Variants in ADAMTS12 observed in about 807,000 individuals in gnomAD.
The protein encoded by ADAMTS12 is A disintegrin and metalloproteinase with thrombospondin motifs 12.
In ADAMTS12, 118 loss-of-function variants were observed where a neutral mutation model predicts 167.8. The ratio of observed to expected loss-of-function variants is 0.70; its 90% confidence interval spans 0.61 to 0.82. The LOEUF is 0.82. Ranked by LOEUF, ADAMTS12 falls within the 40% of genes least tolerant of loss-of-function variation. The pLI is 0.00. For missense variants in ADAMTS12, 1,916 were observed against 1,998.8 expected, an observed-to-expected ratio of 0.96 and a Z score of 0.79; for synonymous variants, 704 against 716.9, an observed-to-expected ratio of 0.98 and a Z score of 0.29.
At chr5:33,558,648 G>A (rs1745593858) in intron 20 of ADAMTS12, among the ~76,000 whole-genome samples, 1 of 152,158 alleles carries the variant, frequency 6.6e-6, no homozygotes, top group Non-Finnish European at 1.5e-5. Flanking sequence ...CCTCAGGCTG[G>A]AGCTGACCTT....
At chr5:33,789,141 G>A (rs1301448047) in intron 2 of ADAMTS12, among the ~76,000 whole-genome samples, 1 of 151,826 alleles carries the variant, frequency 6.6e-6, no homozygotes, top group Non-Finnish European at 1.5e-5. Context: ...TTCATAGGCT[G>A]TGGACATTGT....
chr5:33,820,477 C>T (rs974851484), intron 2 of ADAMTS12, among the ~76,000 whole-genome samples: 1 of 152,082 alleles, frequency 6.6e-6, no homozygotes, highest in Non-Finnish European at 1.5e-5. Context: ...GTGGCATTTG[C>T]ACAACATCTA....
chr5:33,772,286 T>C (rs967409), intron 2 of ADAMTS12, among the ~76,000 whole-genome samples: 53,960 of 152,056 alleles, frequency 0.35, 12,225 homozygotes, highest in Non-Finnish European at 0.51. Context: ...CACTGTCATC[T>C]GCCTCACCTA....
At chr5:33,782,250 G>T (rs115540568) in intron 2 of ADAMTS12, among the ~76,000 whole-genome samples, 4,254 of 152,008 alleles carry the variant, frequency 0.028, 79 homozygotes, top group Middle Eastern at 0.054. Context: ...CGACATTAAA[G>T]CAAAGTTATT....
Position 33,641,963 on chromosome 5 carries a change from G to A in ADAMTS12, c.1573-8C>T, listed in dbSNP as rs777643329. The stretch of plus-strand genomic sequence containing the variant: ...CTTGCCTGCCATACACCACTGGAAA[G>A]GGAAGAGGCAGGAGATGGCCGTATC... On this transcript the variant is annotated splice_region_variant and splice_polypyrimidine_tract_variant and intron_variant, in intron 10 of 23. Transcript: ENST00000504830. 50 of 1,606,796 alleles carry A rather than the reference G, an allele frequency of 3.1e-5. No homozygotes were observed. The highest frequency in any genetic ancestry group is 1.7e-4 in the Admixed American group (10 of 59,642).
At chr5:33,613,976 A>G (rs1385959453) in intron 16 of ADAMTS12, among the ~76,000 whole-genome samples, 1 of 152,214 alleles carries the variant, frequency 6.6e-6, no homozygotes, top group Non-Finnish European at 1.5e-5. Flanking sequence ...CACGTAATGA[A>G]ACATTCAAAC....
At chr5:33,702,429 C>T (rs2112299970) in intron 3 of ADAMTS12, among the ~76,000 whole-genome samples, 1 of 152,304 alleles carries the variant, frequency 6.6e-6, no homozygotes, top group East Asian at 1.9e-4. Flanking sequence ...GAATACTTTC[C>T]ATCATCTCCT....
At position 33,585,797 on chromosome 5, in the gene ADAMTS12, C is replaced by A. The variant is rs190905761; in HGVS notation, c.2865+2802G>T. ...GAGAAAAGGGGCTGGTCACAGGGGG[C>A]AGGAAAGCCTGTCTGGGGCAGCAGG... On this transcript the variant is annotated intron_variant, in intron 18 of 23. Transcript: ENST00000504830. Among the ~76,000 whole-genome samples the A allele has an allele frequency of 4.2e-3, 632 of 152,240 alleles. 7 individuals carry two copies. Among genetic ancestry groups the A allele is most frequent in the African/African-American group, 0.014 (600 of 41,558 alleles).
chr5:33,720,906 T>C (rs1743784506), intron 3 of ADAMTS12, among the ~76,000 whole-genome samples: 1 of 152,186 alleles, frequency 6.6e-6, no homozygotes, highest in African/African-American at 2.4e-5. Flanking sequence ...CATGTACACA[T>C]TTTTACCAAA....
chr5:33,881,710 G>C (rs573164874), intron 1 of ADAMTS12, among the ~76,000 whole-genome samples: 1 of 149,002 alleles, frequency 6.7e-6, no homozygotes, highest in South Asian at 2.1e-4. Flanking sequence ...TTACAGGCAT[G>C]TGCCACAACA....
At chr5:33,759,803 G>C (rs1045330520) in intron 2 of ADAMTS12, among the ~76,000 whole-genome samples, 13 of 152,156 alleles carry the variant, frequency 8.5e-5, no homozygotes, top group Admixed American at 7.2e-4. Flanking sequence ...ATTCCCAAGA[G>C]CTGCTCCCAC....
intron 19 of ADAMTS12, among the ~76,000 whole-genome samples, chr5:33,567,456 T>C (rs1375883985): frequency 1.3e-5 from 2 of 152,222 alleles, no homozygotes; most frequent in African/African-American, 2.4e-5. Context: ...ATCTGCCCTT[T>C]AGGGATACCA....
At position 33,786,265 on chromosome 5, in the gene ADAMTS12, T is replaced by C. The variant is rs146977932; in HGVS notation, c.490-34717A>G. ...AACTGCCTAAATTTACTAAAAATCA[T>C]TGAACTGTGCACTACAGTAAATGAA... On this transcript the variant is annotated intron_variant, in intron 2 of 23. Transcript: ENST00000504830. Among the ~76,000 whole-genome samples, 910 of 152,314 alleles carry C rather than the reference T, an allele frequency of 6.0e-3. 6 individuals are homozygous for C. Among genetic ancestry groups the C allele is most frequent in the African/African-American group, 0.021 (864 of 41,566 alleles).
intron 23 of ADAMTS12, among the ~76,000 whole-genome samples, chr5:33,529,912 C>CAG (rs1297333728): frequency 6.6e-6 from 1 of 152,070 alleles, no homozygotes; most frequent in African/African-American, 2.4e-5. Flanking sequence ...TTGGGAGTTT[C>CAG]AGAGAGAGAG....
rs749864170 is a variant in ADAMTS12, at chr5:33,561,155, C to T, written c.3997G>A (p.Ala1333Thr). 1.9e-6 allele frequency: 3 copies of T among 1,613,862 alleles called. No individual in the cohort carries two copies. Among genetic ancestry groups the T allele is most frequent in the East Asian group, 2.2e-5 (1 of 44,870 alleles). ...CTGCACTCCACCCTTCTCCAGTAGGCCCCCAGGCCACATGTGGTGGAGCAC... is the reference window on the plus strand; with the variant it reads ...CTGCACTCCACCCTTCTCCAGTAGGTCCCCAGGCCACATGTGGTGGAGCAC... ...SECSTTCGLG[A>T]YWRRVECSTQ... The change falls in exon 20 of 24, where the codon GCC (alanine) becomes ACC (threonine). Residue 1333 changes from alanine to threonine, a missense_variant. Physicochemically the swap from Ala to Thr is moderately conservative, Grantham distance 58 (BLOSUM62 0). Coordinates refer to ENST00000504830, the MANE Select transcript of ADAMTS12 (RefSeq NM_030955.4).
At chr5:33,858,313 C>G (rs1011839381) in intron 2 of ADAMTS12, among the ~76,000 whole-genome samples, 12 of 152,108 alleles carry the variant, frequency 7.9e-5, no homozygotes, top group African/African-American at 2.7e-4. Context: ...CTGTAAGACA[C>G]AGAAAAAGCA....
chr5:33,863,149 C>T (rs1425737943), intron 2 of ADAMTS12, among the ~76,000 whole-genome samples: 2 of 152,190 alleles, frequency 1.3e-5, no homozygotes, highest in East Asian at 3.9e-4. Context: ...AGGATGCCCT[C>T]TCTCACCACT....
rs1745726497 is a variant in ADAMTS12, at chr5:33,561,060, G to A, written c.4092C>T (p.Pro1364=). 6.2e-7 allele frequency: 1 copy of A among 1,614,152 alleles called. No individual in the cohort carries two copies. Among genetic ancestry groups the A allele is most frequent in the Non-Finnish European group, 8.5e-7 (1 of 1,180,012 alleles). ...AGTTTCCCACTTTCCAGCCAGCACA[G>A]GGACGGAGGTGGCATCTTTTTGCAG... ...PDPAKRCHLR[P]CAGWKVGNWS... The change falls in exon 20 of 24, where the codon CCC becomes CCT. Residue 1364 remains proline, a synonymous_variant. Transcript: ENST00000504830.
At chr5:33,775,739 T>G (rs1745891078) in intron 2 of ADAMTS12, among the ~76,000 whole-genome samples, 1 of 152,196 alleles carries the variant, frequency 6.6e-6, no homozygotes, top group African/African-American at 2.4e-5. Context: ...GCCTGCAGCC[T>G]GGTGCAGAGA....
Sources: gnomAD v4.1 joint callset for allele counts (sites outside exome capture counted in the v4.1 genomes callset) on GRCh38, gnomAD v4.1.1 for gene constraint, MANE v1.5 for transcripts, NCBI Gene and HGNC (gene_info 2026-07-23, HGNC 2026-07-21) for gene names.